The following ZFHX3 variants were observed in gnomAD, a reference collection of about 807,000 sequenced individuals.
ZFHX3 encodes the protein zinc finger homeobox protein 3.
ZFHX3 carries 42 observed loss-of-function variants against 279.1 expected under a neutral mutation model. The observed-to-expected ratio is 0.15, with a 90% CI of 0.12 to 0.19. The LOEUF is 0.19. Among genes scored for constraint, ZFHX3 ranks in the 10% least tolerant of loss-of-function variants. The pLI, the probability that ZFHX3 is intolerant of heterozygous loss-of-function variation, is 1.00. For synonymous variants in ZFHX3, 2,293 were observed against 1,957.8 expected, an observed-to-expected ratio of 1.17 and a Z score of -4.52; for missense variants, 4,981 against 4,754.0, an observed-to-expected ratio of 1.05 and a Z score of -1.40.
chr16:73,844,139 T>C (rs1452938511), intron 1 of ZFHX3, among the ~76,000 whole-genome samples: 2 of 152,030 alleles, frequency 1.3e-5, no homozygotes, highest in Non-Finnish European at 2.9e-5. Flanking sequence ...GAAGGACAGA[T>C]GCCTGCAAAG....
chr16:73,309,044 G>T (rs1470298148), intron 4 of ZFHX3, among the ~76,000 whole-genome samples: 1 of 152,014 alleles, frequency 6.6e-6, no homozygotes, highest in South Asian at 2.1e-4. Flanking sequence ...AACACAGATG[G>T]GAAGCTATGA....
intron 1 of ZFHX3, among the ~76,000 whole-genome samples, chr16:73,859,438 C>A (rs1435161627): frequency 6.6e-6 from 1 of 152,158 alleles, no homozygotes; most frequent in Non-Finnish European, 1.5e-5. Flanking sequence ...CCACCTGGTA[C>A]AAGGGGAAGA....
At chr16:73,093,960 C>T (rs989929222) in intron 7 of ZFHX3, among the ~76,000 whole-genome samples, 6 of 152,146 alleles carry the variant, frequency 3.9e-5, no homozygotes, top group Non-Finnish European at 8.8e-5. Context: ...ACGGGTGAGT[C>T]CTGGCCCTGC....
chr16:72,811,766 A>G lies in ZFHX3; in HGVS notation c.3675T>C (p.Cys1225=), dbSNP rs753313819. 7.4e-6 allele frequency: 12 copies of G among 1,613,578 alleles called. No individual in the cohort carries two copies. In the South Asian group the frequency reaches 1.3e-4, roughly 18 times the overall value. ...EEIKPEQMYQ[C]PYCKYSNADV... The stretch of plus-strand genomic sequence containing the variant: ...CGGCATTACTGTACTTGCAGTAGGG[A>G]CACTGGTACATCTGTGGGGAACACA... Residue 1225 remains cysteine (C), a synonymous_variant, in exon 7 of 10, where the codon TGT becomes TGC. Transcript: ENST00000268489.
intron 1 of ZFHX3, among the ~76,000 whole-genome samples, chr16:72,961,091 A>ACT (rs1961553316): frequency 6.6e-6 from 1 of 152,030 alleles, no homozygotes; most frequent in Admixed American, 6.5e-5. Context: ...AATGGACCAG[A>ACT]CTCTGGATCT....
chr16:72,970,383 C>T (rs1962051174), intron 1 of ZFHX3, among the ~76,000 whole-genome samples: 1 of 152,104 alleles, frequency 6.6e-6, no homozygotes, highest in Non-Finnish European at 1.5e-5. Flanking sequence ...AACTGTATCT[C>T]ACACTTGAGT....
chr16:73,689,810 G>GTTTTT (rs1567552757), intron 1 of ZFHX3, among the ~76,000 whole-genome samples: 17 of 149,670 alleles, frequency 1.1e-4, no homozygotes, highest in African/African-American at 2.0e-4. Context: ...ACAGTTTTTT[G>GTTTTT]TTTTTTGTTT....
At chr16:73,305,172 G>A (rs1482839364) in intron 4 of ZFHX3, among the ~76,000 whole-genome samples, 2 of 152,192 alleles carry the variant, frequency 1.3e-5, no homozygotes, top group Non-Finnish European at 2.9e-5. Context: ...AACATGAGGC[G>A]GGGTGGCCAG....
intron 4 of ZFHX3, among the ~76,000 whole-genome samples, chr16:73,262,702 AG>A (rs1164958228): frequency 6.6e-6 from 1 of 152,170 alleles, no homozygotes; most frequent in Non-Finnish European, 1.5e-5. Flanking sequence ...ATCAAGAAAA[AG>A]AGTGTTTTTC....
chr16:73,887,754 A>C (rs950264874), intron 1 of ZFHX3, among the ~76,000 whole-genome samples: 1 of 152,074 alleles, frequency 6.6e-6, no homozygotes, highest in Non-Finnish European at 1.5e-5. Flanking sequence ...TTTTTTTGTT[A>C]ATAAAGTATG....
intron 3 of ZFHX3, 28 bp from the exon 4 acceptor site, chr16:72,889,990 C>G (rs761191599): frequency 6.3e-7 from 1 of 1,597,306 alleles, no homozygotes; most frequent in East Asian, 2.2e-5. Context: ...GAAAGACATG[C>G]CTTGGGTAAG....
chr16:72,980,568 G>A (rs892136555), intron 1 of ZFHX3, among the ~76,000 whole-genome samples: 8 of 151,082 alleles, frequency 5.3e-5, no homozygotes, highest in East Asian at 1.9e-4. Context: ...AGACCAGCCC[G>A]GGCAACAAGG....
At chr16:73,102,277 C>T (rs1273270285) in intron 7 of ZFHX3, among the ~76,000 whole-genome samples, 1 of 152,142 alleles carries the variant, frequency 6.6e-6, no homozygotes, top group Non-Finnish European at 1.5e-5. Flanking sequence ...GAGCTCACCT[C>T]GAGATGCCAA....
chr16:73,240,539 C>T (rs578122778), intron 5 of ZFHX3, among the ~76,000 whole-genome samples: 2 of 152,144 alleles, frequency 1.3e-5, no homozygotes, highest in South Asian at 4.2e-4. Flanking sequence ...TTTTAAATGA[C>T]AAAATCACCA....
intron 5 of ZFHX3, among the ~76,000 whole-genome samples, chr16:73,165,445 C>T (rs1487894726): frequency 2.6e-5 from 4 of 152,192 alleles, no homozygotes; most frequent in Non-Finnish European, 4.4e-5. Flanking sequence ...GCCTGGGCCC[C>T]GCCTGTGGCA....
At chr16:73,891,740 C>A (rs900019545) in exon 1 of ZFHX3, 1 of 38,564 alleles carries the variant, frequency 2.6e-5, no homozygotes, top group Non-Finnish European at 8.1e-5. Context: ...GTTTTTAGTT[C>A]TCTCTCTCTC....
chr16:73,721,208 G>T (rs558598119), intron 1 of ZFHX3, among the ~76,000 whole-genome samples: 4 of 152,078 alleles, frequency 2.6e-5, no homozygotes, highest in Admixed American at 2.6e-4. Flanking sequence ...TGCAACTTCC[G>T]CCTCCCGGGT....
At chr16:72,922,567 A>G (rs896402250) in intron 3 of ZFHX3, among the ~76,000 whole-genome samples, 1 of 151,910 alleles carries the variant, frequency 6.6e-6, no homozygotes, top group African/African-American at 2.4e-5. Context: ...GTCACCCTCA[A>G]CCCAGGGACC....
intron 2 of ZFHX3, among the ~76,000 whole-genome samples, chr16:73,584,666 G>T (rs921317687): frequency 6.6e-6 from 1 of 152,182 alleles, no homozygotes; most frequent in Non-Finnish European, 1.5e-5. Flanking sequence ...ATAAGGTCAG[G>T]TCATAGGCAT....
Sources: gnomAD v4.1 joint callset for allele counts (sites outside exome capture counted in the v4.1 genomes callset) on GRCh38, gnomAD v4.1.1 for gene constraint, MANE v1.5 for transcripts, NCBI Gene and HGNC (gene_info 2026-07-23, HGNC 2026-07-21) for gene names.